Variants in ALK observed in about 807,000 individuals in gnomAD.
ALK encodes the protein ALK tyrosine kinase receptor.
ALK carries 74 observed loss-of-function variants against 163.1 expected under a neutral mutation model. That is an observed-to-expected ratio of 0.45 (90% CI 0.38 to 0.55). ALK has a LOEUF of 0.55. Among genes scored for constraint, ALK ranks in the 20% least tolerant of loss-of-function variants. The probability of loss-of-function intolerance (pLI) is 0.00; values close to 1 mark genes in which losing one functional copy is unlikely to be tolerated. For missense variants in ALK, 2,063 were observed against 2,105.3 expected (o/e 0.98, Z 0.39); for synonymous variants, 960 against 843.2 (o/e 1.14, Z -2.40).
chr2:29,852,648 TG>T (rs1666027041), intron 1 of ALK, among the ~76,000 whole-genome samples: 1 of 152,194 alleles, frequency 6.6e-6, no homozygotes, highest in Non-Finnish European at 1.5e-5. Flanking sequence ...CACAATCTAA[TG>T]GGTATGCCTG....
At chr2:29,577,768 T>C (rs2148195380) in intron 3 of ALK, among the ~76,000 whole-genome samples, 1 of 152,360 alleles carries the variant, frequency 6.6e-6, no homozygotes, top group Non-Finnish European at 1.5e-5. Flanking sequence ...GGTGAATCTC[T>C]GCTCTCGTTC....
chr2:29,585,334 C>T (rs4313932), intron 3 of ALK, among the ~76,000 whole-genome samples: 82,332 of 151,508 alleles, frequency 0.54, 22,482 homozygotes, highest in East Asian at 0.6. Context: ...GCTATTATTA[C>T]TATTTTTTTG....
chr2:29,521,426 A>G (rs574297252), intron 4 of ALK, among the ~76,000 whole-genome samples: 1 of 152,294 alleles, frequency 6.6e-6, no homozygotes, highest in African/African-American at 2.4e-5. Context: ...TTACTGATGT[A>G]AGATTCTCCC....
intron 1 of ALK, among the ~76,000 whole-genome samples, chr2:29,832,329 A>T (rs1358717361): frequency 1.2e-4 from 18 of 152,204 alleles, no homozygotes; most frequent in Non-Finnish European, 1.5e-5. Flanking sequence ...AGGAGGTCTC[A>T]TGAGCAGAGA....
rs193141513 is a variant in ALK, at chr2:29,238,306, C to T, written c.2355+1374G>A. 6.1e-4 allele frequency among the ~76,000 whole-genome samples: 93 copies of T among 152,268 alleles called. No homozygotes were observed. In the East Asian group the frequency reaches 8.9e-3, roughly 15 times the overall value. On this transcript the variant is annotated intron_variant, in intron 13 of 28. Coordinates refer to ENST00000389048, the MANE Select transcript of ALK (RefSeq NM_004304.5). ...CTGCCTCCTGGGTTCAAGTGATTCT[C>T]GTGCCTCAGCCTCCTGAGTAGCTGG...
At chr2:29,787,811 A>T (rs892307964) in intron 1 of ALK, among the ~76,000 whole-genome samples, 1 of 148,914 alleles carries the variant, frequency 6.7e-6, no homozygotes, top group Non-Finnish European at 1.5e-5. Context: ...AATGACCTAC[A>T]TCCCAACCAA....
At chr2:29,207,746 C>A (rs1285991962) in intron 25 of ALK, among the ~76,000 whole-genome samples, 1 of 152,236 alleles carries the variant, frequency 6.6e-6, no homozygotes, top group Non-Finnish European at 1.5e-5. Flanking sequence ...AACCAGTAAT[C>A]TAGACAGCTG....
intron 3 of ALK, among the ~76,000 whole-genome samples, chr2:29,546,109 T>A (rs1292671967): frequency 6.6e-6 from 1 of 152,214 alleles, no homozygotes; most frequent in Non-Finnish European, 1.5e-5. Flanking sequence ...TATATGTATG[T>A]CTATGTGTGG....
Position 29,727,496 on chromosome 2 carries a change from T to C in ALK, c.668-9799A>G, listed in dbSNP as rs141456802. ...ACTGCGTGACCTTGGGTAAGCTGCTTAACCTTTTTCAAGCTTTGTTTCTCT... is the reference window on the plus strand; with the variant it reads ...ACTGCGTGACCTTGGGTAAGCTGCTCAACCTTTTTCAAGCTTTGTTTCTCT... On this transcript the variant is annotated intron_variant, in intron 1 of 28. Coordinates refer to ENST00000389048, the MANE Select transcript of ALK (RefSeq NM_004304.5). 1.4e-3 allele frequency among the ~76,000 whole-genome samples: 216 copies of C among 152,234 alleles called. 1 individual carries two copies. The highest frequency in any genetic ancestry group is 6.6e-3 in the East Asian group (34 of 5,160).
At chr2:29,501,475 T>C (rs914996202) in intron 4 of ALK, among the ~76,000 whole-genome samples, 3 of 152,220 alleles carry the variant, frequency 2.0e-5, no homozygotes, top group Admixed American at 6.5e-5. Context: ...TCCTGCAAAT[T>C]CTCACCACTC....
chr2:29,377,292 T>C (rs1021716518), intron 5 of ALK, among the ~76,000 whole-genome samples: 7 of 151,928 alleles, frequency 4.6e-5, no homozygotes, highest in Non-Finnish European at 1.0e-4. Context: ...CTGACCAACA[T>C]GGTGAAACCC....
chr2:29,365,090 AT>A (rs1033019941), intron 5 of ALK, among the ~76,000 whole-genome samples: 4 of 152,024 alleles, frequency 2.6e-5, no homozygotes, highest in African/African-American at 7.2e-5. Flanking sequence ...TGGCTCCAAA[AT>A]TTTTTTCACC....
At chr2:29,733,002 T>A (rs781691686) in intron 1 of ALK, among the ~76,000 whole-genome samples, 14 of 151,834 alleles carry the variant, frequency 9.2e-5, no homozygotes, top group Non-Finnish European at 1.9e-4. Context: ...GGAGTGAATA[T>A]AAGACCAACA....
intron 1 of ALK, among the ~76,000 whole-genome samples, chr2:29,833,697 C>G (rs1572420002): frequency 6.6e-6 from 1 of 152,318 alleles, no homozygotes; most frequent in African/African-American, 2.4e-5. Flanking sequence ...AAAACTGAGG[C>G]TCACAGATGT....
chr2:29,519,083 C>T (rs1361582802), intron 4 of ALK, among the ~76,000 whole-genome samples: 1 of 152,192 alleles, frequency 6.6e-6, no homozygotes, highest in Non-Finnish European at 1.5e-5. Context: ...GTGTATAAAA[C>T]ACAAGAGGTT....
rs1196642783 is a variant in ALK at position 29,777,716 on chromosome 2, A to G, written c.668-60019T>C. On this transcript the variant is annotated intron_variant, in intron 1 of 28. Transcript: ENST00000389048. ...GAATCTTGTTCAAATGCAGATTTGA[A>G]CTCAGAATGTCTAGGATGGGGTCTA... is the stretch of plus-strand genomic sequence containing the variant. Among the ~76,000 whole-genome samples, 6 of 152,132 alleles carry G rather than the reference A, an allele frequency of 3.9e-5. No individual in the cohort carries two copies. In the South Asian group the frequency reaches 1.0e-3, roughly 26 times the overall value.
chr2:29,763,270 A>G (rs1242586751), intron 1 of ALK, among the ~76,000 whole-genome samples: 1 of 152,070 alleles, frequency 6.6e-6, no homozygotes, highest in Non-Finnish European at 1.5e-5. Flanking sequence ...GGAGTACATG[A>G]AATGCATGGT....
At chr2:29,376,690 C>T (rs780944784) in intron 5 of ALK, among the ~76,000 whole-genome samples, 1 of 152,182 alleles carries the variant, frequency 6.6e-6, no homozygotes, top group Non-Finnish European at 1.5e-5. Flanking sequence ...CCTGCTGAGG[C>T]GTTGCTTGCT....
chr2:29,527,320 G>A (rs146131314), intron 4 of ALK, among the ~76,000 whole-genome samples: 12 of 152,138 alleles, frequency 7.9e-5, no homozygotes, highest in African/African-American at 1.7e-4. Context: ...TTAAGTAAGC[G>A]CGGCAGCTGT....
Sources: allele counts gnomAD v4.1 joint callset (sites outside exome capture counted in the v4.1 genomes callset), GRCh38; gene constraint gnomAD v4.1.1; transcripts MANE v1.5; gene names NCBI Gene and HGNC (gene_info 2026-07-23, HGNC 2026-07-21).